Variants in RDH11 observed in about 807,000 individuals in gnomAD.
RDH11 encodes retinol dehydrogenase 11.
In RDH11, 19 loss-of-function variants were observed where a neutral mutation model predicts 33.4. The observed-to-expected ratio is 0.57, with a 90% confidence interval of 0.40 to 0.83. RDH11 has a LOEUF of 0.83. RDH11 is among the 40% of genes least tolerant of loss of function. The pLI, the probability that RDH11 is intolerant of heterozygous loss-of-function variation, is 0.00. For synonymous variants in RDH11, 154 were observed against 155.3 expected (o/e 0.99, Z 0.06); for missense variants, 353 against 389.0 (o/e 0.91, Z 0.78).
chr14:67,679,419 T>C (rs1315938771), intron 6 of RDH11, among the ~76,000 whole-genome samples: 1 of 151,846 alleles, frequency 6.6e-6, no homozygotes, highest in South Asian at 2.1e-4. Flanking sequence ...TTTTTTTTTT[T>C]TGGAGGCGGA....
chr14:67,694,618 T>A (rs536587112), intron 1 of RDH11, among the ~76,000 whole-genome samples: 30 of 151,114 alleles, frequency 2.0e-4, no homozygotes, highest in Admixed American at 1.3e-3. Context: ...GATCTTGTAG[T>A]GAAAAAAAGA....
At position 67,695,352 on chromosome 14, in the gene RDH11, C is replaced by A. The variant is rs137979215; in HGVS notation, c.74+278G>T. Among the ~76,000 whole-genome samples the A allele has an allele frequency of 8.4e-3, 1,276 of 152,298 alleles. 13 individuals are homozygous for A. Among genetic ancestry groups the A allele is most frequent in the African/African-American group, 0.029 (1,223 of 41,556 alleles). On this transcript the variant is annotated intron_variant, in intron 1 of 6. Coordinates refer to ENST00000381346, the MANE Select transcript of RDH11 (RefSeq NM_016026.4). ...TTGAGGTAGCCTTACCCTCGGGATT[C>A]CCTGGAGCCAGAATCAGGGGGTGCT...
At chr14:67,683,488 CTT>C (rs892819225) in intron 6 of RDH11, among the ~76,000 whole-genome samples, 2 of 152,194 alleles carry the variant, frequency 1.3e-5, no homozygotes, top group African/African-American at 4.8e-5. Context: ...AACTGTTACT[CTT>C]TGGCTGAACA....
chr14:67,690,066 T>C lies in RDH11; in HGVS notation c.664+146A>G, dbSNP rs533699597. ...GCCAGCCACCTCCAATATTCAGTTGTAGACTACTTACTAAAACTGTACCCA... is the reference window on the plus strand; with the variant it reads ...GCCAGCCACCTCCAATATTCAGTTGCAGACTACTTACTAAAACTGTACCCA... On this transcript the variant is annotated intron_variant, in intron 5 of 6. Transcript: ENST00000381346. 5 of 661,254 alleles carry C rather than the reference T, an allele frequency of 7.6e-6. No individual in the cohort carries two copies. In the Admixed American group the frequency reaches 1.3e-4, roughly 18 times the overall value. 41.0% of individuals were successfully genotyped at this position (661,254 alleles called of 1,614,324 possible). A position where few individuals can be genotyped will look rare whatever the true frequency, so the allele number is the denominator to read the frequency against.
At chr14:67,683,937 T>C (rs2037645491) in intron 6 of RDH11, among the ~76,000 whole-genome samples, 2 of 152,242 alleles carry the variant, frequency 1.3e-5, no homozygotes, top group South Asian at 4.1e-4. Context: ...TTAGTTAATG[T>C]CATCATCAAC....
At chr14:67,680,288 C>T (rs2037598438) in intron 6 of RDH11, among the ~76,000 whole-genome samples, 1 of 152,226 alleles carries the variant, frequency 6.6e-6, no homozygotes, top group African/African-American at 2.4e-5. Context: ...AAAAGATCAT[C>T]AGTGAGAACC....
intron 6 of RDH11, among the ~76,000 whole-genome samples, chr14:67,679,485 C>G (rs2037586709): frequency 6.6e-6 from 1 of 150,822 alleles, no homozygotes; most frequent in African/African-American, 2.4e-5. Flanking sequence ...CTCACTGCAA[C>G]CTCCGCCTCC....
At chr14:67,683,147 G>A (rs998613160) in intron 6 of RDH11, among the ~76,000 whole-genome samples, 2 of 152,200 alleles carry the variant, frequency 1.3e-5, no homozygotes, top group South Asian at 2.1e-4. Context: ...TGGTCTACAC[G>A]GCTGCTGTTG....
intron 5 of RDH11, among the ~76,000 whole-genome samples, chr14:67,688,013 T>C (rs1424417193): frequency 2.0e-5 from 3 of 152,064 alleles, no homozygotes; most frequent in African/African-American, 4.8e-5. Context: ...CCTCAGGTGA[T>C]CCACCAGCCT....
Position 67,683,361 on chromosome 14 carries a change from C to T in RDH11, c.854+1654G>A, listed in dbSNP as rs562100782. On this transcript the variant is annotated intron_variant, in intron 6 of 6. Coordinates refer to ENST00000381346, the MANE Select transcript of RDH11 (RefSeq NM_016026.4). ...AATCAATCCAGTATACTATATAAAT[C>T]TATCTTCTTATACTTCAGAACCACA... Among the ~76,000 whole-genome samples the T allele has an allele frequency of 1.1e-4, 16 of 152,084 alleles. No homozygotes were observed. In the East Asian group the frequency reaches 2.9e-3, roughly 28 times the overall value.
intron 6 of RDH11, among the ~76,000 whole-genome samples, chr14:67,681,373 C>T (rs2037613618): frequency 6.6e-6 from 1 of 152,224 alleles, no homozygotes; most frequent in South Asian, 2.1e-4. Context: ...CAGACTAATA[C>T]AGATACCAAG....
chr14:67,688,278 A>G (rs903165622), intron 5 of RDH11, among the ~76,000 whole-genome samples: 1 of 152,212 alleles, frequency 6.6e-6, no homozygotes, highest in Non-Finnish European at 1.5e-5. Flanking sequence ...AACAGCCACA[A>G]CAAAAAGGAA....
chr14:67,687,200 GA>G (rs1485369826), intron 5 of RDH11, among the ~76,000 whole-genome samples: 6 of 152,174 alleles, frequency 3.9e-5, no homozygotes, highest in Non-Finnish European at 8.8e-5. Context: ...CTCTGCTGAT[GA>G]AATCAACTGC....
In RDH11 at chr14:67,678,171, T is replaced by C; in HGVS notation, c.*150A>G. 1.7e-6 allele frequency: 1 copy of C among 588,974 alleles called. No individual in the cohort carries two copies. The highest frequency in any genetic ancestry group is 2.9e-5 in the East Asian group (1 of 34,930). The allele number at this position is 588,974 out of a possible 1,614,324, so 36.5% of individuals were successfully genotyped here. ...CATTTAGACGAATCTGGCAGTACAC[T>C]GAGTTTTAACTGGACACCAAGCAGG... On this transcript the variant is annotated 3_prime_UTR_variant, in exon 7 of 7. Transcript: ENST00000381346.
chr14:67,695,571 T>C (rs1297279010), intron 1 of RDH11, 59 bp downstream of exon 1: 2 of 1,529,206 alleles, frequency 1.3e-6, no homozygotes, highest in African/African-American at 1.4e-5. Context: ...GGGGATTCTA[T>C]GTTTCCCTCC....
At position 67,685,221 on chromosome 14, in the gene RDH11, T is replaced by G. The variant is rs369758845; in HGVS notation, c.665-17A>C. 1 of 1,604,646 alleles carries G rather than the reference T, an allele frequency of 6.2e-7. No individual in the cohort carries two copies. Among genetic ancestry groups the G allele is most frequent in the Non-Finnish European group, 8.5e-7 (1 of 1,174,718 alleles). ...CGCCAGAGCCTGGTTGGGGGTGGCATGAAGAGAGGGTAAGACAGGACTTGA... is the reference window on the plus strand; with the variant it reads ...CGCCAGAGCCTGGTTGGGGGTGGCAGGAAGAGAGGGTAAGACAGGACTTGA... On this transcript the variant is annotated splice_polypyrimidine_tract_variant and intron_variant, in intron 5 of 6. Transcript: ENST00000381346.
intron 1 of RDH11, 147 bp downstream of exon 1, chr14:67,695,483 C>A: frequency 1.4e-6 from 1 of 706,988 alleles, no homozygotes. Flanking sequence ...GACAGCTGGA[C>A]CTCGCCTCCA....
chr14:67,692,448 G>C lies in RDH11; in HGVS notation c.339C>G (p.Gly113=). The C allele has an allele frequency of 6.2e-7, 1 of 1,614,050 alleles. No individual in the cohort carries two copies. Among genetic ancestry groups the C allele is most frequent in the Non-Finnish European group, 8.5e-7 (1 of 1,179,946 alleles). Residue 113 remains glycine, a synonymous_variant, in exon 3 of 7, where the codon GGC becomes GGG. Transcript: ENST00000381346. ...DTKSIRAFAK[G]FLAEEKHLHV... ...TAGTTCTACACTTACCAGCTAAGAAGCCCTTAGCAAAAGCTCGAATAGACT... is the reference window on the plus strand; with the variant it reads ...TAGTTCTACACTTACCAGCTAAGAACCCCTTAGCAAAAGCTCGAATAGACT...
chr14:67,678,572 C>G (rs1233745880), intron 6 of RDH11, 149 bp from the exon 7 acceptor site: 2 of 575,796 alleles, frequency 3.5e-6, no homozygotes, highest in African/African-American at 3.8e-5. Context: ...TCTCTTCATT[C>G]TCCAGTCCTT....
Sources: allele counts gnomAD v4.1 joint callset (sites outside exome capture counted in the v4.1 genomes callset), GRCh38; gene constraint gnomAD v4.1.1; transcripts MANE v1.5; gene names NCBI Gene and HGNC (gene_info 2026-07-23, HGNC 2026-07-21).